Variants in MTCL2 observed in about 807,000 individuals in gnomAD.
The protein encoded by MTCL2 is microtubule cross-linking factor 2.
the MTCL2 span, chr20:36,797,491 GC>G: frequency 6.4e-7 from 1 of 1,552,816 alleles, no homozygotes. Context: ...GGCAGCAGCC[GC>G]CCCACTCACC....
the MTCL2 span, among the ~76,000 whole-genome samples, chr20:36,789,572 C>A: frequency 6.6e-6 from 1 of 151,106 alleles, no homozygotes; most frequent in South Asian, 2.1e-4. Context: ...AGCTGAGGTA[C>A]AAGAATCGCT....
At chr20:36,794,208 C>T in the MTCL2 span, 59 of 1,547,250 alleles carry the variant, frequency 3.8e-5, no homozygotes, top group African/African-American at 8.2e-5. The surrounding 1 kb of genome is among the most constrained non-coding windows in gnomAD (Gnocchi z 5.4). Context: ...CCATCAGCCT[C>T]GGCCGACTCT....
chr20:36,819,455 G>T, the MTCL2 span, among the ~76,000 whole-genome samples: 1 of 152,068 alleles, frequency 6.6e-6, no homozygotes, highest in African/African-American at 2.4e-5. Flanking sequence ...CTTGTCCAAG[G>T]TCTCACAGTA....
the MTCL2 span, among the ~76,000 whole-genome samples, chr20:36,809,500 T>C: frequency 1.3e-5 from 2 of 151,534 alleles, no homozygotes; most frequent in Non-Finnish European, 2.9e-5. Flanking sequence ...ACACAACTAA[T>C]GCACAATGGC....
chr20:36,859,886 C>A, the MTCL2 span: 1 of 1,231,408 alleles, frequency 8.1e-7, no homozygotes, highest in Non-Finnish European at 1.0e-6. Context: ...GAGTCTAACA[C>A]ATGCTTACTC....
At chr20:36,812,983 A>T in the MTCL2 span, 1 of 1,049,678 alleles carries the variant, frequency 9.5e-7, no homozygotes, top group Non-Finnish European at 1.3e-6. Flanking sequence ...ACCCTGGTAG[A>T]TTCACCTCTG....
chr20:36,781,570 G>A, the MTCL2 span: 8 of 151,296 alleles, frequency 5.3e-5, no homozygotes, highest in East Asian at 5.9e-4. Flanking sequence ...GACCTGGCAC[G>A]GTGGCTGATG....
chr20:36,837,721 C>A, the MTCL2 span, among the ~76,000 whole-genome samples: 8 of 151,740 alleles, frequency 5.3e-5, no homozygotes, highest in Admixed American at 3.3e-4. Flanking sequence ...GGATTACAGG[C>A]GGGAACCACC....
chr20:36,853,086 A>G, the MTCL2 span, among the ~76,000 whole-genome samples: 1 of 151,048 alleles, frequency 6.6e-6, no homozygotes, highest in African/African-American at 2.4e-5. Context: ...GTCCCGGGGA[A>G]AGAAGGCCAG....
the MTCL2 span, chr20:36,793,067 G>A: frequency 2.8e-6 from 2 of 710,862 alleles, no homozygotes. The surrounding 1 kb of genome is among the most constrained non-coding windows in gnomAD (Gnocchi z 6.8). Context: ...ACCACGCCTG[G>A]CCAATTTTTG....
chr20:36,791,609 G>A, the MTCL2 span, among the ~76,000 whole-genome samples: 3 of 152,176 alleles, frequency 2.0e-5, no homozygotes, highest in Admixed American at 6.5e-5. Flanking sequence ...GGGTACACTC[G>A]CCTCTAGCTG....
chr20:36,828,632 G>A, the MTCL2 span: 711 of 163,310 alleles, frequency 4.4e-3, 2 homozygotes, highest in African/African-American at 0.016. Flanking sequence ...CTCCACATGC[G>A]TTATTCCTGT....
the MTCL2 span, chr20:36,815,151 G>A: frequency 3.4e-4 from 542 of 1,602,182 alleles, no homozygotes; most frequent in Non-Finnish European, 4.2e-4. The surrounding 1 kb of genome is among the most constrained non-coding windows in gnomAD (Gnocchi z 5.3). Flanking sequence ...AAGGTCTTTT[G>A]CCAGAAGAAT....
chr20:36,804,935 C>T, the MTCL2 span: 12 of 1,597,002 alleles, frequency 7.5e-6, no homozygotes, highest in Non-Finnish European at 1.0e-5. Context: ...GAGTCAAGAG[C>T]CTCTGTGGGG....
chr20:36,803,956 C>CAAAAAAAA, the MTCL2 span, among the ~76,000 whole-genome samples: 1 of 43,062 alleles, frequency 2.3e-5, no homozygotes, highest in African/African-American at 1.0e-4. Context: ...GATGCCGTCT[C>CAAAAAAAA]AAAAAAAAAA....
At chr20:36,862,873 G>GCCCCGTACGGAC in the MTCL2 span, 1 of 1,239,112 alleles carries the variant, frequency 8.1e-7, no homozygotes, top group Non-Finnish European at 1.0e-6. Flanking sequence ...TGGGCCGGCT[G>GCCCCGTACGGAC]CCCCGTACGG....
chr20:36,797,360 G>T, the MTCL2 span: 1 of 769,598 alleles, frequency 1.3e-6, no homozygotes, highest in South Asian at 2.0e-5. Flanking sequence ...ATGAGATACA[G>T]ACTCCAGGGC....
At chr20:36,839,018 T>A in the MTCL2 span, among the ~76,000 whole-genome samples, 15 of 151,776 alleles carry the variant, frequency 9.9e-5, no homozygotes, top group African/African-American at 3.6e-4. The surrounding 1 kb of genome is among the most constrained non-coding windows in gnomAD (Gnocchi z 5.1). Flanking sequence ...AGGATTCATA[T>A]TATGATATCA....
the MTCL2 span, among the ~76,000 whole-genome samples, chr20:36,824,660 A>AGT: frequency 6.7e-6 from 1 of 150,342 alleles, no homozygotes; most frequent in African/African-American, 2.4e-5. Context: ...TTTTATTTTA[A>AGT]TTTTTTTTTT....
Sources: allele counts gnomAD v4.1 joint callset (sites outside exome capture counted in the v4.1 genomes callset), GRCh38; gene constraint gnomAD v4.1.1; non-coding constraint Gnocchi (gnomAD v3.1); transcripts MANE v1.5; gene names NCBI Gene and HGNC (gene_info 2026-07-23, HGNC 2026-07-21).